The following LRRTM3 variants were observed in gnomAD, a reference collection of about 807,000 sequenced individuals.
LRRTM3 encodes the protein leucine rich repeat transmembrane neuronal 3, also known as leucine-rich repeat transmembrane neuronal protein 3.
Under a neutral mutation model 44.7 loss-of-function variants are expected in LRRTM3, and 24 were observed. That is an observed-to-expected ratio of 0.54 (90% CI 0.39 to 0.76). LRRTM3 has a LOEUF of 0.76. Ranked by LOEUF, LRRTM3 falls within the 30% of genes least tolerant of loss-of-function variation. The pLI is 0.00. For missense variants in LRRTM3, 587 were observed against 702.2 expected (o/e 0.84, Z 1.85); for synonymous variants, 277 against 278.7 (o/e 0.99, Z 0.06).
chr10:66,998,284 T>C lies in LRRTM3; in HGVS notation c.1536+69832T>C, dbSNP rs1459483671. Among the ~76,000 whole-genome samples, 3 of 152,216 alleles carry C rather than the reference T, an allele frequency of 2.0e-5. No individual in the cohort carries two copies. The East Asian group carries it at 5.8e-4, about 29-fold the overall frequency. On this transcript the variant is annotated intron_variant, in intron 2 of 2. Transcript: ENST00000361320. ...CTCCTTACTCTATGTTTACTTAGCA[T>C]ACACTGTTGTTTTAGTACTAGTTGC... is the stretch of plus-strand genomic sequence containing the variant.
chr10:66,984,059 T>C (rs1227793296), intron 2 of LRRTM3, among the ~76,000 whole-genome samples: 2 of 152,176 alleles, frequency 1.3e-5, no homozygotes, highest in African/African-American at 4.8e-5. Context: ...TGAAGTCTCA[T>C]CTGTTTACAC....
chr10:67,051,456 CT>C (rs1280388884), intron 2 of LRRTM3, among the ~76,000 whole-genome samples: 1 of 101,152 alleles, frequency 9.9e-6, no homozygotes, highest in Admixed American at 1.6e-4. Flanking sequence ...TTTCTTTTTT[CT>C]TTTTTCTTTT....
rs780430896 is a variant in LRRTM3, at chr10:67,100,625, T to C, written c.*2829T>C. 4.9e-4 allele frequency among the ~76,000 whole-genome samples: 75 copies of C among 151,718 alleles called. 1 individual carries two copies. Among genetic ancestry groups the C allele is most frequent in the Non-Finnish European group, 9.0e-4 (61 of 67,800 alleles). ...TCCTCACCGATTTAAACAACTGAAATGTTTACTTATGTTTGGAGCTGAAAA... is the reference window on the plus strand; with the variant it reads ...TCCTCACCGATTTAAACAACTGAAACGTTTACTTATGTTTGGAGCTGAAAA... On this transcript the variant is annotated 3_prime_UTR_variant, in exon 3 of 3. Transcript: ENST00000361320.
intron 2 of LRRTM3, among the ~76,000 whole-genome samples, chr10:67,021,323 T>G (rs1340392267): frequency 6.6e-6 from 1 of 152,072 alleles, no homozygotes; most frequent in Non-Finnish European, 1.5e-5. Context: ...AATTGTGAGG[T>G]TAAAATGTAA....
intron 2 of LRRTM3, among the ~76,000 whole-genome samples, chr10:66,954,745 CT>C (rs1848703637): frequency 2.0e-5 from 3 of 152,120 alleles, no homozygotes; most frequent in South Asian, 4.1e-4. Flanking sequence ...TATACCCTTC[CT>C]TGGCGGAATC....
chr10:66,994,270 GC>G (rs1453481615), intron 2 of LRRTM3, among the ~76,000 whole-genome samples: 1 of 152,162 alleles, frequency 6.6e-6, no homozygotes, highest in Admixed American at 6.5e-5. Context: ...TGCTCTCCAA[GC>G]TTTATACGGA....
chr10:67,066,894 A>G (rs766109756), intron 2 of LRRTM3, among the ~76,000 whole-genome samples: 1 of 152,200 alleles, frequency 6.6e-6, no homozygotes, highest in African/African-American at 2.4e-5. Flanking sequence ...GTAATGGTAA[A>G]TTAATATGGA....
At chr10:67,094,741 T>G (rs893456031) in intron 2 of LRRTM3, among the ~76,000 whole-genome samples, 1 of 151,736 alleles carries the variant, frequency 6.6e-6, no homozygotes, top group East Asian at 1.9e-4. Flanking sequence ...TTACTTGACA[T>G]TCCAATAAAA....
intron 2 of LRRTM3, among the ~76,000 whole-genome samples, chr10:66,955,805 T>C (rs1287163103): frequency 1.3e-5 from 2 of 152,180 alleles, no homozygotes; most frequent in Non-Finnish European, 2.9e-5. Flanking sequence ...ATTCTCCTAG[T>C]ATTTCTGCCT....
rs537577516 is a variant in LRRTM3 at position 67,051,972 on chromosome 10, C to A, written c.1537-45615C>A. On this transcript the variant is annotated intron_variant, in intron 2 of 2. Coordinates refer to ENST00000361320, the MANE Select transcript of LRRTM3 (RefSeq NM_178011.5). ...GTTTCACCATGTTGGCCAGGCTGGT[C>A]TCAAACTCCTGACCTCAGGTGACCC... Among the ~76,000 whole-genome samples, 416 of 150,760 alleles carry A rather than the reference C, an allele frequency of 2.8e-3. 5 individuals carry two copies. The highest frequency in any genetic ancestry group is 1.6e-3 in the East Asian group (8 of 5,034).
At chr10:67,034,226 A>T (rs1853905650) in intron 2 of LRRTM3, among the ~76,000 whole-genome samples, 1 of 152,146 alleles carries the variant, frequency 6.6e-6, no homozygotes, top group East Asian at 1.9e-4. Flanking sequence ...AACCGGGATC[A>T]CTTTCTTTAA....
At chr10:67,050,838 T>C (rs1855046243) in intron 2 of LRRTM3, among the ~76,000 whole-genome samples, 1 of 152,230 alleles carries the variant, frequency 6.6e-6, no homozygotes, top group Non-Finnish European at 1.5e-5. Flanking sequence ...GATATTTCAG[T>C]TTCTTAAAAT....
rs1847182493 is a variant in LRRTM3, at chr10:66,928,187, G to C, written c.1271G>C (p.Ser424Thr). The C allele has an allele frequency of 6.2e-7, 1 of 1,614,010 alleles. No individual in the cohort carries two copies. Among genetic ancestry groups the C allele is most frequent in the African/African-American group, 1.3e-5 (1 of 74,940 alleles). ...HISFHKIIAG[S>T]VALFLSVLVI... ...TCTTTCCATAAAATCATCGCGGGCAGCGTGGCGCTTTTCCTGTCCGTGCTC... is the reference window on the plus strand; with the variant it reads ...TCTTTCCATAAAATCATCGCGGGCACCGTGGCGCTTTTCCTGTCCGTGCTC... Residue 424 changes from serine to threonine, a missense_variant, in exon 2 of 3, where the codon AGC (serine) becomes ACC (threonine). This residue lies in a region of LRRTM3 where 315 missense variants were observed against 335.6 expected (regional missense o/e 0.94). Coordinates refer to ENST00000361320, the MANE Select transcript of LRRTM3 (RefSeq NM_178011.5).
rs1858300478 is a variant in LRRTM3 at position 67,100,927 on chromosome 10, GA to G, written c.*3133del. Among the ~76,000 whole-genome samples, 1 of 151,562 alleles carries G rather than the reference GA, an allele frequency of 6.6e-6. No homozygotes were observed. The highest frequency in any genetic ancestry group is 2.1e-4 in the South Asian group (1 of 4,804). On this transcript the variant is annotated 3_prime_UTR_variant, in exon 3 of 3. Transcript: ENST00000361320. ...ATTTCTTTCTCTGATCAGAGCAAGA[GA>G]ACTTCCAGAGATAATGGATAGAATG...
chr10:67,079,746 G>A (rs1181328741), intron 2 of LRRTM3, among the ~76,000 whole-genome samples: 1 of 151,986 alleles, frequency 6.6e-6, no homozygotes, highest in South Asian at 2.1e-4. Context: ...TGCTCAGGAG[G>A]CTGAGGCAGG....
Position 67,100,472 on chromosome 10 carries a change from T to C in LRRTM3, c.*2676T>C, listed in dbSNP as rs1858277031. ...TCTGAAAGACTGTGTCTGGAATCTT[T>C]ATCACATATTTCCAATTTATTTCAG... On this transcript the variant is annotated 3_prime_UTR_variant, in exon 3 of 3. Transcript: ENST00000361320. Among the ~76,000 whole-genome samples the C allele has an allele frequency of 6.6e-6, 1 of 151,824 alleles. No homozygotes were observed.
rs1589739285 is a variant in LRRTM3, at chr10:67,100,619, C to T, written c.*2823C>T. On this transcript the variant is annotated 3_prime_UTR_variant, in exon 3 of 3. Coordinates refer to ENST00000361320, the MANE Select transcript of LRRTM3 (RefSeq NM_178011.5). ...GTCTATTCCTCACCGATTTAAACAA[C>T]TGAAATGTTTACTTATGTTTGGAGC... 6.6e-6 allele frequency among the ~76,000 whole-genome samples: 1 copy of T among 151,804 alleles called. No individual in the cohort carries two copies. The highest frequency in any genetic ancestry group is 1.5e-5 in the Non-Finnish European group (1 of 67,814).
chr10:67,073,680 G>T (rs560084713), intron 2 of LRRTM3, among the ~76,000 whole-genome samples: 11 of 151,828 alleles, frequency 7.2e-5, no homozygotes, highest in African/African-American at 2.2e-4. Context: ...TATCTAGTGA[G>T]GTGTTTTTAA....
At chr10:67,072,572 A>C (rs1430948534) in intron 2 of LRRTM3, among the ~76,000 whole-genome samples, 2 of 152,174 alleles carry the variant, frequency 1.3e-5, no homozygotes, top group African/African-American at 4.8e-5. Context: ...AAGCCAACCA[A>C]GGACTCAGCT....
Sources: gnomAD v4.1 joint callset for allele counts (sites outside exome capture counted in the v4.1 genomes callset) on GRCh38, gnomAD v4.1.1 for gene constraint, gnomAD v4.1.1 regional missense constraint, MANE v1.5 for transcripts, NCBI Gene and HGNC (gene_info 2026-07-23, HGNC 2026-07-21) for gene names.